Variants in HECW1 observed in about 807,000 individuals in gnomAD.
HECW1 encodes HECT, C2 and WW domain containing E3 ubiquitin protein ligase 1.
In HECW1, 61 loss-of-function variants were observed where a neutral mutation model predicts 182.3. The observed-to-expected ratio is 0.33, with a 90% CI of 0.27 to 0.41. The LOEUF is 0.41. Ranked by LOEUF, HECW1 falls within the 10% of genes least tolerant of loss-of-function variation. The pLI is 1.00. For synonymous variants in HECW1, 859 were observed against 832.6 expected, an observed-to-expected ratio of 1.03 and a Z score of -0.55; for missense variants, 1,739 against 2,108.9, an observed-to-expected ratio of 0.82 and a Z score of 3.44.
At chr7:43,349,472 C>T (rs7788725) in intron 5 of HECW1, among the ~76,000 whole-genome samples, 61,903 of 152,026 alleles carry the variant, frequency 0.41, 12,714 homozygotes, top group East Asian at 0.45. Flanking sequence ...TCCCCCACTA[C>T]TATTATGTTG....
chr7:43,128,832 T>TGAAATCTATTCCTGGTGAAGATAC (rs1786574195), intron 2 of HECW1, among the ~76,000 whole-genome samples: 1 of 152,076 alleles, frequency 6.6e-6, no homozygotes. Flanking sequence ...TTGGAAGACA[T>TGAAATCTATTCCTGGTGAAGATAC]TGGTTGCAAC....
intron 17 of HECW1, among the ~76,000 whole-genome samples, chr7:43,483,304 C>T (rs887238234): frequency 1.3e-5 from 2 of 152,122 alleles, no homozygotes; most frequent in Non-Finnish European, 2.9e-5. Flanking sequence ...ATCCCATTAC[C>T]TTGCAGGACT....
chr7:43,161,973 A>G (rs1167042698), intron 2 of HECW1, among the ~76,000 whole-genome samples: 1 of 152,212 alleles, frequency 6.6e-6, no homozygotes, highest in Non-Finnish European at 1.5e-5. Flanking sequence ...GAACATGCAG[A>G]TGTGATGGTG....
chr7:43,466,166 AAAG>A (rs1405305505), intron 14 of HECW1, among the ~76,000 whole-genome samples: 2 of 146,864 alleles, frequency 1.4e-5, no homozygotes, highest in African/African-American at 5.1e-5. Context: ...GGAAGGAAGG[AAAG>A]AAGGAAGGAA....
At chr7:43,190,059 A>G (rs1170478014) in intron 2 of HECW1, among the ~76,000 whole-genome samples, 1 of 151,998 alleles carries the variant, frequency 6.6e-6, no homozygotes, top group African/African-American at 2.4e-5. Flanking sequence ...TTTCCTTCAC[A>G]CACCCCTGGT....
chr7:43,433,559 G>T (rs141951458), intron 8 of HECW1, among the ~76,000 whole-genome samples: 10 of 152,340 alleles, frequency 6.6e-5, no homozygotes, highest in African/African-American at 1.2e-4. Context: ...AGGCAGAAGG[G>T]TGCGTGACCC....
intron 16 of HECW1, among the ~76,000 whole-genome samples, chr7:43,477,217 G>A (rs746641310): frequency 3.6e-4 from 55 of 152,096 alleles, no homozygotes; most frequent in Non-Finnish European, 2.5e-4. Context: ...TGAACTAATG[G>A]TAACATGATA....
At chr7:43,123,032 A>T (rs1004644829) in intron 2 of HECW1, among the ~76,000 whole-genome samples, 2 of 152,246 alleles carry the variant, frequency 1.3e-5, no homozygotes, top group Admixed American at 6.5e-5. Context: ...ATGTCCAAAG[A>T]CAAAGCAGAA....
At chr7:43,521,753 T>C (rs1423177325) in intron 24 of HECW1, among the ~76,000 whole-genome samples, 2 of 152,210 alleles carry the variant, frequency 1.3e-5, no homozygotes, top group Non-Finnish European at 2.9e-5. Flanking sequence ...CACATGTCTG[T>C]AATCCCAGCT....
At chr7:43,255,580 A>G (rs1800474324) in intron 3 of HECW1, among the ~76,000 whole-genome samples, 1 of 150,754 alleles carries the variant, frequency 6.6e-6, no homozygotes. Flanking sequence ...CTGGGTGACA[A>G]GAGTGAAACT....
At chr7:43,287,603 G>T (rs766532655) in intron 3 of HECW1, among the ~76,000 whole-genome samples, 10 of 152,156 alleles carry the variant, frequency 6.6e-5, no homozygotes, top group Non-Finnish European at 1.3e-4. Context: ...CTCCCAATGT[G>T]CTGGGATTAC....
intron 2 of HECW1, among the ~76,000 whole-genome samples, chr7:43,241,658 G>A (rs1448428069): frequency 7.1e-6 from 1 of 140,012 alleles, no homozygotes; most frequent in Non-Finnish European, 1.6e-5. Flanking sequence ...GTGTGTGTGT[G>A]TGTTTAATTA....
chr7:43,394,884 G>T (rs980543209), intron 6 of HECW1, among the ~76,000 whole-genome samples: 2 of 152,170 alleles, frequency 1.3e-5, no homozygotes, highest in Non-Finnish European at 2.9e-5. Context: ...AGTTTTTAAC[G>T]ATAACTTGGT....
intron 3 of HECW1, among the ~76,000 whole-genome samples, chr7:43,310,977 CCTT>C (rs1235707549): frequency 6.6e-6 from 1 of 152,158 alleles, no homozygotes; most frequent in African/African-American, 2.4e-5. Flanking sequence ...TGCTGCCTGT[CCTT>C]CTGTATTTTC....
chr7:43,488,252 G>A (rs990990388), intron 17 of HECW1, among the ~76,000 whole-genome samples: 1 of 151,300 alleles, frequency 6.6e-6, no homozygotes, highest in Admixed American at 6.6e-5. Flanking sequence ...AGAGGTTGCA[G>A]TGAGCCAAGA....
At chr7:43,179,474 C>T (rs757433870) in intron 2 of HECW1, among the ~76,000 whole-genome samples, 14 of 152,214 alleles carry the variant, frequency 9.2e-5, no homozygotes, top group Non-Finnish European at 1.9e-4. Context: ...TTTACTGGTA[C>T]CTGAACGTCT....
At chr7:43,154,961 C>T (rs1789722019) in intron 2 of HECW1, among the ~76,000 whole-genome samples, 1 of 152,198 alleles carries the variant, frequency 6.6e-6, no homozygotes, top group Non-Finnish European at 1.5e-5. Flanking sequence ...CCAGGTGCTC[C>T]TCCCCAATCT....
At chr7:43,398,615 GAA>G (rs879316257) in intron 7 of HECW1, among the ~76,000 whole-genome samples, 2 of 142,808 alleles carry the variant, frequency 1.4e-5, no homozygotes, top group East Asian at 4.0e-4. Flanking sequence ...CTAGGCTGAA[GAA>G]AAAAAAAAAG....
chr7:43,198,877 G>C (rs1003350017), intron 2 of HECW1, among the ~76,000 whole-genome samples: 3 of 152,224 alleles, frequency 2.0e-5, no homozygotes, highest in Admixed American at 1.3e-4. Context: ...AACTGGTGAA[G>C]TAGGAAGCAC....
Sources: gnomAD v4.1 joint callset for allele counts (sites outside exome capture counted in the v4.1 genomes callset) on GRCh38, gnomAD v4.1.1 for gene constraint, MANE v1.5 for transcripts, NCBI Gene and HGNC (gene_info 2026-07-23, HGNC 2026-07-21) for gene names.